CBX6: variants seen among roughly 807,000 people sequenced by gnomAD.
CBX6 encodes the protein chromobox protein homolog 6.
Under a neutral mutation model 28.4 loss-of-function variants are expected in CBX6, and 7 were observed. The ratio of observed to expected loss-of-function variants is 0.25; its 90% CI spans 0.14 to 0.46. CBX6 has a LOEUF of 0.46. Ranked by LOEUF, CBX6 falls within the 20% of genes least tolerant of loss-of-function variation. CBX6 has a pLI of 0.99. For synonymous variants in CBX6, 297 were observed against 273.4 expected (o/e 1.09, Z -0.85); for missense variants, 512 against 606.1 (o/e 0.84, Z 1.63).
Position 38,867,218 on chromosome 22 carries a change from GGGT to G in CBX6, c.247-20_247-18del. ...GGCCCGCGCCTGCGGGCAGAGGGAG[GGGT>G]GGGTGGGACCTCAGGACTGCCCGCT... On this transcript the variant is annotated intron_variant, in intron 4 of 4. Coordinates refer to ENST00000407418, the MANE Select transcript of CBX6 (RefSeq NM_014292.5). The G allele has an allele frequency of 6.6e-7, 1 of 1,520,356 alleles. No individual in the cohort carries two copies. The highest frequency in any genetic ancestry group is 8.8e-7 in the Non-Finnish European group (1 of 1,136,002). The allele number at this position is 1,520,356 out of a possible 1,614,324, so 94.2% of individuals were successfully genotyped here.
At chr22:38,868,538 T>C (rs906021162) in intron 4 of CBX6, among the ~76,000 whole-genome samples, 2 of 152,076 alleles carry the variant, frequency 1.3e-5, no homozygotes, top group Admixed American at 1.3e-4. Flanking sequence ...ATCCCAGTGG[T>C]GTGAGAAGAT....
In CBX6 at chr22:38,863,013, T is replaced by C. The variant is rs1353139176; in HGVS notation, c.*3196A>G. ...ACCTCTTCCCAGATCATAGGAAGGA[T>C]GAGGCTCATTTTGACCTTGACCCCT... On this transcript the variant is annotated 3_prime_UTR_variant, in exon 5 of 5. Transcript: ENST00000407418. 1 of 152,240 alleles carries C rather than the reference T, an allele frequency of 6.6e-6. No individual in the cohort carries two copies. The highest frequency in any genetic ancestry group is 1.9e-4 in the East Asian group (1 of 5,186). The allele number at this position is 152,240 out of a possible 1,614,324, so 9.4% of individuals were successfully genotyped here. A position where few individuals can be genotyped will look rare whatever the true frequency, so the allele number is the denominator to read the frequency against.
chr22:38,866,201 G>A lies in CBX6; in HGVS notation c.*8C>T. Reference sequence around the variant, plus strand: ...CCCCCCCAAGCCCCCCTCCTTGGTGGAGCCCCCTCACTTGCTCGCCCCAAT... The same window carrying A: ...CCCCCCCAAGCCCCCCTCCTTGGTGAAGCCCCCTCACTTGCTCGCCCCAAT... On this transcript the variant is annotated 3_prime_UTR_variant, in exon 5 of 5. Coordinates refer to ENST00000407418, the MANE Select transcript of CBX6 (RefSeq NM_014292.5). The surrounding 1 kb of genome is among the most constrained non-coding windows in gnomAD (Gnocchi z 7.5). 6.3e-7 allele frequency: 1 copy of A among 1,586,316 alleles called. No homozygotes were observed. Among genetic ancestry groups the A allele is most frequent in the Non-Finnish European group, 8.6e-7 (1 of 1,163,258 alleles).
Position 38,866,695 on chromosome 22 carries a change from C to G in CBX6, c.753G>C (p.Glu251Asp). The G allele has an allele frequency of 6.4e-7, 1 of 1,560,374 alleles. No homozygotes were observed. Among genetic ancestry groups the G allele is most frequent in the Non-Finnish European group, 8.7e-7 (1 of 1,154,834 alleles). The change falls in exon 5 of 5, where the codon GAG (glutamate) becomes GAC (aspartate). Residue 251 changes from glutamate (E) to aspartate (D), a missense_variant. Around this residue, in one of 7 missense-constraint regions of CBX6, gnomAD observed 290 missense variants for 274.1 expected, o/e 1.06. Coordinates refer to ENST00000407418, the MANE Select transcript of CBX6 (RefSeq NM_014292.5). This position sits in a 1 kb window ranked among gnomAD's most constrained non-coding sequence, Gnocchi z 7.5. ...PLVAPSPGKA[E>D]ASAPGPGLLL... is the part of the protein sequence containing the mutation. ...GTAGCCCAGGGCCCGGGGCTGAGGCCTCAGCCTTGCCGGGGGACGGGGCTA... is the reference window on the plus strand; with the variant it reads ...GTAGCCCAGGGCCCGGGGCTGAGGCGTCAGCCTTGCCGGGGGACGGGGCTA...
intron 4 of CBX6, among the ~76,000 whole-genome samples, chr22:38,869,115 C>A (rs924309485): frequency 2.0e-5 from 3 of 152,216 alleles, no homozygotes; most frequent in African/African-American, 7.2e-5. Context: ...CAGACCCCTT[C>A]CCACACAAAG....
intron 4 of CBX6, 27 bp from the exon 5 acceptor site, chr22:38,867,228 G>GGGGGGGGGGGGGGGGGGGGGC: frequency 1.9e-6 from 1 of 518,864 alleles, no homozygotes; most frequent in East Asian, 5.0e-5. Context: ...GGGTGGGTGG[G>GGGGGGGGGGGGGGGGGGGGGC]ACCTCAGGAC....
chr22:38,863,396 C>A lies in CBX6; in HGVS notation c.*2813G>T, dbSNP rs923570659. ...ATTTCACATACAAAAATAAAGCAAACCAGATTGCAACTTCTGCTTGGTAAT... is the reference window on the plus strand; with the variant it reads ...ATTTCACATACAAAAATAAAGCAAAACAGATTGCAACTTCTGCTTGGTAAT... On this transcript the variant is annotated 3_prime_UTR_variant, in exon 5 of 5. Coordinates refer to ENST00000407418, the MANE Select transcript of CBX6 (RefSeq NM_014292.5). 3 of 152,208 alleles carry A rather than the reference C, an allele frequency of 2.0e-5. 1 individual carries two copies. Among genetic ancestry groups the A allele is most frequent in the Non-Finnish European group, 1.5e-5 (1 of 68,022 alleles). 9.4% of individuals were successfully genotyped at this position (152,208 alleles called of 1,614,324 possible).
chr22:38,866,638 G>A lies in CBX6; in HGVS notation c.810C>T (p.Ala270=), dbSNP rs2093170700. ...GGCAGCCGGAGGAGCCAGAGCTGCG[G>A]GCGTCGTAGGGGGCGGCGGGGGCGG... ...LLAAPAAPYD[A]RSSGSSGCPS... is the part of the protein sequence containing the mutation. Residue 270 remains alanine, a synonymous_variant, in exon 5 of 5, where the codon GCC becomes GCT. Transcript: ENST00000407418. The surrounding 1 kb of genome is among the most constrained non-coding windows in gnomAD (Gnocchi z 7.5). 1 of 1,530,108 alleles carries A rather than the reference G, an allele frequency of 6.5e-7. No homozygotes were observed. The highest frequency in any genetic ancestry group is 8.7e-7 in the Non-Finnish European group (1 of 1,144,000). 94.8% of individuals were successfully genotyped at this position (1,530,108 alleles called of 1,614,324 possible).
rs758186283 is a variant in CBX6 at position 38,871,587 on chromosome 22, C to T, written c.180-41G>A. 6 of 1,612,870 alleles carry T rather than the reference C, an allele frequency of 3.7e-6. No homozygotes were observed. The highest frequency in any genetic ancestry group is 1.3e-5 in the African/African-American group (1 of 75,038). Reference sequence around the variant, plus strand: ...ACCAGAGGTTAAAAAGAGCCCCTTCCCGGGCCCCACTCCGCGCTGCCCTCC... The same window carrying T: ...ACCAGAGGTTAAAAAGAGCCCCTTCTCGGGCCCCACTCCGCGCTGCCCTCC... On this transcript the variant is annotated intron_variant, in intron 3 of 4. Transcript: ENST00000407418. The surrounding 1 kb of genome is among the most constrained non-coding windows in gnomAD (Gnocchi z 5.6).
Position 38,866,608 on chromosome 22 carries a change from C to T in CBX6, c.840G>A (p.Ser280=). The T allele has an allele frequency of 6.9e-7, 1 of 1,457,428 alleles. No individual in the cohort carries two copies. Among genetic ancestry groups the T allele is most frequent in the Non-Finnish European group, 9.1e-7 (1 of 1,102,944 alleles). 90.3% of individuals were successfully genotyped at this position (1,457,428 alleles called of 1,614,324 possible). Residue 280 remains serine, a synonymous_variant, in exon 5 of 5, where the codon TCG becomes TCA. Transcript: ENST00000407418. The surrounding 1 kb of genome is among the most constrained non-coding windows in gnomAD (Gnocchi z 7.5). The part of the protein sequence containing the change: ...ARSSGSSGCP[S]PTPQSSDPDD... ...CGGGGTCAGAGGACTGTGGTGTAGG[C>T]GAGGGGCAGCCGGAGGAGCCAGAGC...
Position 38,863,389 on chromosome 22 carries a change from A to G in CBX6, c.*2820T>C, listed in dbSNP as rs1214031574. On this transcript the variant is annotated 3_prime_UTR_variant, in exon 5 of 5. Transcript: ENST00000407418. The stretch of plus-strand genomic sequence containing the variant: ...GGGGGTTATTTCACATACAAAAATA[A>G]AGCAAACCAGATTGCAACTTCTGCT... The G allele has an allele frequency of 2.6e-5, 4 of 152,154 alleles. No individual in the cohort carries two copies. The highest frequency in any genetic ancestry group is 5.9e-5 in the Non-Finnish European group (4 of 68,042). The allele number at this position is 152,154 out of a possible 1,614,324, so 9.4% of individuals were successfully genotyped here. A position where few individuals can be genotyped will look rare whatever the true frequency, so the allele number is the denominator to read the frequency against.
Position 38,861,452 on chromosome 22 carries a change from G to A in CBX6, c.*4757C>T, listed in dbSNP as rs1603248899. The A allele has an allele frequency of 6.6e-6, 1 of 152,372 alleles. No homozygotes were observed. Among genetic ancestry groups the A allele is most frequent in the African/African-American group, 2.4e-5 (1 of 41,574 alleles). The allele number at this position is 152,372 out of a possible 1,614,324, so 9.4% of individuals were successfully genotyped here. A position where few individuals can be genotyped will look rare whatever the true frequency, so the allele number is the denominator to read the frequency against. On this transcript the variant is annotated 3_prime_UTR_variant, in exon 5 of 5. Transcript: ENST00000407418. ...GAAGACACAGACACACCCCAACCTAGGGGCTAGGCCTCAGCTTCGGAATGT... is the reference window on the plus strand; with the variant it reads ...GAAGACACAGACACACCCCAACCTAAGGGCTAGGCCTCAGCTTCGGAATGT...
intron 4 of CBX6, among the ~76,000 whole-genome samples, chr22:38,869,392 G>A (rs919233535): frequency 2.6e-4 from 40 of 152,184 alleles, no homozygotes; most frequent in African/African-American, 9.6e-4. Flanking sequence ...CCTACTACGG[G>A]CACTCCTATG....
At position 38,870,437 on chromosome 22, in the gene CBX6, C is replaced by G. The variant is rs1419950761; in HGVS notation, c.246+1043G>C. The G allele has an allele frequency of 6.6e-6, 1 of 152,292 alleles. No individual in the cohort carries two copies. The highest frequency in any genetic ancestry group is 1.5e-5 in the Non-Finnish European group (1 of 68,112). The allele number at this position is 152,292 out of a possible 1,614,324, so 9.4% of individuals were successfully genotyped here. A position where few individuals can be genotyped will look rare whatever the true frequency, so the allele number is the denominator to read the frequency against. ...CCCCAGCTGCACTGAGAGGCTGTCACACAGCCCACCAGCCTTCCAGCTGCT... is the reference window on the plus strand; with the variant it reads ...CCCCAGCTGCACTGAGAGGCTGTCAGACAGCCCACCAGCCTTCCAGCTGCT... On this transcript the variant is annotated intron_variant, in intron 4 of 4. Transcript: ENST00000407418. The surrounding 1 kb of genome is among the most constrained non-coding windows in gnomAD (Gnocchi z 4.3).
At position 38,866,385 on chromosome 22, in the gene CBX6, C is replaced by T; in HGVS notation, c.1063G>A (p.Ala355Thr). 1.9e-6 allele frequency: 3 copies of T among 1,613,472 alleles called. No individual in the cohort carries two copies. Among genetic ancestry groups the T allele is most frequent in the Non-Finnish European group, 2.5e-6 (3 of 1,179,926 alleles). The change falls in exon 5 of 5, where the codon GCT becomes ACT. Residue 355 changes from alanine (A) to threonine (T), a missense_variant. Around this residue, in one of 7 missense-constraint regions of CBX6, gnomAD observed 290 missense variants for 274.1 expected, o/e 1.06. Coordinates refer to ENST00000407418, the MANE Select transcript of CBX6 (RefSeq NM_014292.5). The surrounding 1 kb of genome is among the most constrained non-coding windows in gnomAD (Gnocchi z 7.5). The stretch of plus-strand genomic sequence containing the variant: ...GACATCTCGGGGCGCCAGTCCCCAG[C>T]CTCGGGCTCGGAGGAGGCACCGGCG... ...EPAGASSEPE[A>T]GDWRPEMSPC...
Position 38,866,222 on chromosome 22 carries a change from C to A in CBX6, c.1226G>T (p.Gly409Val). 6.2e-7 allele frequency: 1 copy of A among 1,609,320 alleles called. No individual in the cohort carries two copies. The highest frequency in any genetic ancestry group is 8.5e-7 in the Non-Finnish European group (1 of 1,178,184). ...AGAAGGGGSI[G>V]ASK ...GGTGGAGCCCCCTCACTTGCTCGCC[C>A]CAATGCTGCCACCGCCCCCAGCGGC... Residue 409 changes from glycine (G) to valine (V), a missense_variant, in exon 5 of 5, where the codon GGG (glycine) becomes GTG (valine). Coordinates refer to ENST00000407418, the MANE Select transcript of CBX6 (RefSeq NM_014292.5). The surrounding 1 kb of genome is among the most constrained non-coding windows in gnomAD (Gnocchi z 7.5).
Position 38,863,620 on chromosome 22 carries a change from G to T in CBX6, c.*2589C>A, listed in dbSNP as rs2093162744. Reference sequence around the variant, plus strand: ...GGCGGTGTGCCTGGTGCCTCTTCATGCACCAAGGCTGGCCCGGGCTGCTCC... The same window carrying T: ...GGCGGTGTGCCTGGTGCCTCTTCATTCACCAAGGCTGGCCCGGGCTGCTCC... On this transcript the variant is annotated 3_prime_UTR_variant, in exon 5 of 5. Coordinates refer to ENST00000407418, the MANE Select transcript of CBX6 (RefSeq NM_014292.5). The T allele has an allele frequency of 6.6e-6, 1 of 152,176 alleles. No homozygotes were observed. The highest frequency in any genetic ancestry group is 1.9e-4 in the East Asian group (1 of 5,180). The allele number at this position is 152,176 out of a possible 1,614,324, so 9.4% of individuals were successfully genotyped here.
At chr22:38,867,230 C>T in intron 4 of CBX6, 29 bp from the exon 5 acceptor site, 1 of 1,518,738 alleles carries the variant, frequency 6.6e-7, no homozygotes, top group Non-Finnish European at 8.8e-7. Flanking sequence ...GTGGGTGGGA[C>T]CTCAGGACTG....
At position 38,866,657 on chromosome 22, in the gene CBX6, G is replaced by A; in HGVS notation, c.791C>T (p.Pro264Leu). Residue 264 changes from proline (P) to leucine (L), a missense_variant, in exon 5 of 5, where the codon CCC (proline) becomes CTC (leucine). This residue lies in a region of CBX6 where 290 missense variants were observed against 274.1 expected (regional missense o/e 1.06). Coordinates refer to ENST00000407418, the MANE Select transcript of CBX6 (RefSeq NM_014292.5). This position sits in a 1 kb window ranked among gnomAD's most constrained non-coding sequence, Gnocchi z 7.5. The part of the protein sequence containing the change: ...APGPGLLLAA[P>L]AAPYDARSSG... ...GCTGCGGGCGTCGTAGGGGGCGGCG[G>A]GGGCGGCCAGAAGTAGCCCAGGGCC... is the stretch of plus-strand genomic sequence containing the variant. The A allele has an allele frequency of 6.5e-7, 1 of 1,536,770 alleles. No individual in the cohort carries two copies.
Sources: allele counts gnomAD v4.1 joint callset (sites outside exome capture counted in the v4.1 genomes callset), GRCh38; gene constraint gnomAD v4.1.1; regional missense constraint gnomAD v4.1.1; non-coding constraint Gnocchi (gnomAD v3.1); transcripts MANE v1.5; gene names NCBI Gene and HGNC (gene_info 2026-07-23, HGNC 2026-07-21).